The following CNTNAP2 variants were observed in gnomAD, a reference collection of about 807,000 sequenced individuals.
CNTNAP2 encodes contactin-associated protein-like 2.
A neutral mutation model predicts 155.2 loss-of-function variants in CNTNAP2; 98 were observed. The ratio of observed to expected loss-of-function variants is 0.63; its 90% CI spans 0.54 to 0.75. CNTNAP2 has a LOEUF of 0.75. CNTNAP2 is among the 30% of genes least tolerant of loss of function. CNTNAP2 has a pLI of 0.00. For synonymous variants in CNTNAP2, 651 were observed against 631.2 expected (o/e 1.03, Z -0.47); for missense variants, 1,727 against 1,688.1 (o/e 1.02, Z -0.40).
intron 15 of CNTNAP2, among the ~76,000 whole-genome samples, chr7:148,004,603 A>C (rs1801943783): frequency 6.6e-6 from 1 of 152,178 alleles, no homozygotes. Flanking sequence ...AACCTTTTCC[A>C]GTAAGTTCTC....
chr7:146,887,325 ATGTTT>A (rs1054893127), intron 3 of CNTNAP2, among the ~76,000 whole-genome samples: 1 of 151,490 alleles, frequency 6.6e-6, no homozygotes, highest in Non-Finnish European at 1.5e-5. Flanking sequence ...ATTCTGTTTT[ATGTTT>A]TGTTTTGTTT....
intron 12 of CNTNAP2, among the ~76,000 whole-genome samples, chr7:147,636,101 G>A (rs1795176108): frequency 6.6e-6 from 1 of 152,204 alleles, no homozygotes; most frequent in Admixed American, 6.5e-5. Flanking sequence ...ACTAAAATAT[G>A]ATGTGGCTTC....
chr7:147,159,961 A>G (rs1294164167), intron 8 of CNTNAP2, among the ~76,000 whole-genome samples: 3 of 151,844 alleles, frequency 2.0e-5, no homozygotes, highest in East Asian at 3.9e-4. Context: ...CAAAAGTTGC[A>G]AAACAGAAGT....
At chr7:147,552,240 C>T (rs1250227745) in intron 11 of CNTNAP2, among the ~76,000 whole-genome samples, 1 of 152,020 alleles carries the variant, frequency 6.6e-6, no homozygotes, top group Non-Finnish European at 1.5e-5. Flanking sequence ...GGGAAACGGC[C>T]TGTTTCATTT....
intron 13 of CNTNAP2, among the ~76,000 whole-genome samples, chr7:147,802,376 C>T (rs1176485153): frequency 5.9e-5 from 9 of 151,968 alleles, no homozygotes; most frequent in East Asian, 1.9e-4. Context: ...GACGGGGTGG[C>T]GGCCGGGCAG....
chr7:146,640,119 A>G (rs1319465785), intron 1 of CNTNAP2, among the ~76,000 whole-genome samples: 1 of 152,244 alleles, frequency 6.6e-6, no homozygotes, highest in Non-Finnish European at 1.5e-5. Flanking sequence ...AGAAAGCTAT[A>G]AAAGCCTTAG....
At chr7:146,302,044 G>C (rs1299874110) in intron 1 of CNTNAP2, among the ~76,000 whole-genome samples, 1 of 152,128 alleles carries the variant, frequency 6.6e-6, no homozygotes, top group Non-Finnish European at 1.5e-5. Flanking sequence ...AAGGATAGAA[G>C]AATATTATCC....
chr7:146,333,958 A>G (rs1432020674), intron 1 of CNTNAP2, among the ~76,000 whole-genome samples: 1 of 152,206 alleles, frequency 6.6e-6, no homozygotes, highest in Non-Finnish European at 1.5e-5. Flanking sequence ...CTATCTGCCA[A>G]GGTTCCAGAA....
chr7:146,525,570 A>ATCTATCTATCTATCTATCTATCTC (rs1472924221), intron 1 of CNTNAP2, among the ~76,000 whole-genome samples: 46 of 140,202 alleles, frequency 3.3e-4, no homozygotes, highest in African/African-American at 1.3e-3. Flanking sequence ...CTATCTATCT[A>ATCTATCTATCTATCTATCTATCTC]TCTATCTCTC....
chr7:147,101,135 C>T (rs889898761), intron 4 of CNTNAP2, among the ~76,000 whole-genome samples: 6 of 152,066 alleles, frequency 3.9e-5, no homozygotes, highest in African/African-American at 7.2e-5. Context: ...ATCAGGAGCA[C>T]ATAAAAAGAA....
chr7:147,142,135 T>A (rs1013021595), intron 8 of CNTNAP2, among the ~76,000 whole-genome samples: 1 of 151,974 alleles, frequency 6.6e-6, no homozygotes, highest in African/African-American at 2.4e-5. Flanking sequence ...TGAGAGAGGG[T>A]ATCCCTGTCT....
In CNTNAP2 at chr7:148,413,052, A is replaced by T. The variant is rs540366757; in HGVS notation, c.3797-2365A>T. Among the ~76,000 whole-genome samples the T allele has an allele frequency of 3.3e-5, 5 of 152,054 alleles. No homozygotes were observed. The South Asian group carries it at 6.2e-4, about 19-fold the overall frequency. ...AGGATTAACATTATCATAATACATG[A>T]TCTTTTTTACATATTGCTGGGTTTG... On this transcript the variant is annotated intron_variant, in intron 23 of 23. Coordinates refer to ENST00000361727, the MANE Select transcript of CNTNAP2 (RefSeq NM_014141.6).
intron 21 of CNTNAP2, among the ~76,000 whole-genome samples, chr7:148,337,420 G>A (rs1370475880): frequency 6.6e-6 from 1 of 152,144 alleles, no homozygotes; most frequent in African/African-American, 2.4e-5. Context: ...CACCCAGGAA[G>A]CTCCTTCACC....
At chr7:146,770,303 T>C (rs972821357) in intron 1 of CNTNAP2, among the ~76,000 whole-genome samples, 7 of 142,210 alleles carry the variant, frequency 4.9e-5, no homozygotes, top group Non-Finnish European at 9.0e-5. Flanking sequence ...ATTATATATA[T>C]ATATGTGTGT....
intron 11 of CNTNAP2, among the ~76,000 whole-genome samples, chr7:147,537,200 A>C (rs376898479): frequency 6.6e-6 from 1 of 152,138 alleles, no homozygotes; most frequent in Non-Finnish European, 1.5e-5. Context: ...TCTAATAGGT[A>C]GTCTCAGACT....
chr7:147,047,323 A>G (rs1392846934), intron 4 of CNTNAP2, among the ~76,000 whole-genome samples: 2 of 139,620 alleles, frequency 1.4e-5, no homozygotes, highest in African/African-American at 5.3e-5. Flanking sequence ...GGGTTTCACC[A>G]TATTAGCCAG....
At chr7:146,258,581 CCAT>C in intron 1 of CNTNAP2, among the ~76,000 whole-genome samples, 1 of 151,984 alleles carries the variant, frequency 6.6e-6, no homozygotes, top group Admixed American at 6.6e-5. Flanking sequence ...AGATGTGTAC[CCAT>C]ATAGTGATGG....
At chr7:146,171,433 T>TA (rs913503036) in intron 1 of CNTNAP2, among the ~76,000 whole-genome samples, 5 of 151,992 alleles carry the variant, frequency 3.3e-5, no homozygotes, top group Admixed American at 1.3e-4. Context: ...CAAGCAGGTT[T>TA]AAAAAAAACC....
At chr7:147,873,954 C>A (rs781139510) in intron 13 of CNTNAP2, among the ~76,000 whole-genome samples, 1 of 152,136 alleles carries the variant, frequency 6.6e-6, no homozygotes, top group African/African-American at 2.4e-5. Context: ...AGTCATTAAA[C>A]CTTAAAGTTC....
Sources: allele counts gnomAD v4.1 joint callset (sites outside exome capture counted in the v4.1 genomes callset), GRCh38; gene constraint gnomAD v4.1.1; transcripts MANE v1.5; gene names NCBI Gene and HGNC (gene_info 2026-07-23, HGNC 2026-07-21).